INIP: variants seen among roughly 807,000 people sequenced by gnomAD.
INIP encodes the protein SOSS complex subunit C.
Under a neutral mutation model 14.0 loss-of-function variants are expected in INIP, and 9 were observed. That is an observed-to-expected ratio of 0.64 (90% CI 0.39 to 1.12). The LOEUF is 1.12. Ranked by LOEUF, INIP falls within the 50% of genes most tolerant of loss-of-function variation. The pLI is 0.01. For synonymous variants in INIP, 37 were observed against 41.5 expected (o/e 0.89, Z 0.41); for missense variants, 78 against 122.7 (o/e 0.64, Z 1.72).
chr9:112,712,193 A>G (rs1588088775), intron 2 of INIP, among the ~76,000 whole-genome samples: 1 of 152,306 alleles, frequency 6.6e-6, no homozygotes, highest in Non-Finnish European at 1.5e-5. Context: ...CATGCATATA[A>G]AATCCACTCA....
intron 3 of INIP, among the ~76,000 whole-genome samples, chr9:112,692,706 T>C (rs1374578029): frequency 1.3e-5 from 2 of 151,328 alleles, no homozygotes; most frequent in Admixed American, 6.6e-5. Flanking sequence ...CTAGCAGCAA[T>C]TGCAGTAATA....
Position 112,684,298 on chromosome 9 carries a change from G to A in INIP, c.*3240C>T, listed in dbSNP as rs753827325. 6 of 152,078 alleles carry A rather than the reference G, an allele frequency of 3.9e-5. No individual in the cohort carries two copies. The highest frequency in any genetic ancestry group is 7.3e-5 in the Non-Finnish European group (5 of 68,056). 9.4% of individuals were successfully genotyped at this position (152,078 alleles called of 1,614,324 possible). On this transcript the variant is annotated 3_prime_UTR_variant, in exon 5 of 5. Transcript: ENST00000374242. Reference sequence around the variant, plus strand: ...CACCTGTAATCTCAGCACTTTAGGAGGCCAAGGTGGGAGGATCGAGAGGAC... The same window carrying A: ...CACCTGTAATCTCAGCACTTTAGGAAGCCAAGGTGGGAGGATCGAGAGGAC...
At chr9:112,714,636 C>T (rs926761168) in intron 2 of INIP, among the ~76,000 whole-genome samples, 28 of 151,730 alleles carry the variant, frequency 1.8e-4, no homozygotes, top group African/African-American at 6.8e-4. Context: ...AAAGAGCAAG[C>T]GAACATAGAT....
Position 112,686,132 on chromosome 9 carries a change from A to C in INIP, c.*1406T>G, listed in dbSNP as rs1837656512. 6.6e-6 allele frequency: 1 copy of C among 152,180 alleles called. No homozygotes were observed. The highest frequency in any genetic ancestry group is 2.1e-4 in the South Asian group (1 of 4,822). 9.4% of individuals were successfully genotyped at this position (152,180 alleles called of 1,614,324 possible). A position where few individuals can be genotyped will look rare whatever the true frequency, so the allele number is the denominator to read the frequency against. On this transcript the variant is annotated 3_prime_UTR_variant, in exon 5 of 5. Coordinates refer to ENST00000374242, the MANE Select transcript of INIP (RefSeq NM_021218.3). ...TGGGACTCAAGGCCAAGATAAGGTC[A>C]GTTACAAAAAGTTATATAAAATACT... is the stretch of plus-strand genomic sequence containing the variant.
rs184110099 is a variant in INIP at position 112,708,393 on chromosome 9, G to A, written c.25+8068C>T. ...TCAGGAAACTATCACAGTAGAAAGA[G>A]CTAGAGATAATAAAAGTTTTTAGTG... On this transcript the variant is annotated intron_variant, in intron 2 of 4. Transcript: ENST00000374242. 1.2e-4 allele frequency among the ~76,000 whole-genome samples: 18 copies of A among 152,278 alleles called. No homozygotes were observed. The East Asian group carries it at 3.5e-3, about 29-fold the overall frequency.
intron 2 of INIP, among the ~76,000 whole-genome samples, chr9:112,709,900 G>T (rs1298571795): frequency 1.3e-5 from 2 of 152,200 alleles, no homozygotes; most frequent in African/African-American, 4.8e-5. Context: ...CCTAGCATCA[G>T]AAATCTAATT....
chr9:112,694,298 T>G, intron 2 of INIP, 65 bp from the exon 3 acceptor site: 3 of 954,294 alleles, frequency 3.1e-6, no homozygotes, highest in Non-Finnish European at 4.9e-6. Context: ...ATTTTAGACC[T>G]ATTTTTATAA....
At chr9:112,711,882 T>C (rs1022982246) in intron 2 of INIP, among the ~76,000 whole-genome samples, 2 of 152,242 alleles carry the variant, frequency 1.3e-5, no homozygotes, top group African/African-American at 4.8e-5. Context: ...AAGCTTTCAA[T>C]TTCCAGTACT....
intron 2 of INIP, among the ~76,000 whole-genome samples, chr9:112,705,850 G>C (rs1225682460): frequency 1.3e-5 from 2 of 152,138 alleles, no homozygotes; most frequent in East Asian, 3.9e-4. Flanking sequence ...TTAAGAAGGA[G>C]CCATATATTT....
chr9:112,707,649 ATTC>A (rs761843798), intron 2 of INIP, among the ~76,000 whole-genome samples: 5 of 152,208 alleles, frequency 3.3e-5, no homozygotes, highest in South Asian at 2.1e-4. Flanking sequence ...ACTAACTGAA[ATTC>A]TTCTTATTGT....
chr9:112,708,756 G>A (rs1191678701), intron 2 of INIP, among the ~76,000 whole-genome samples: 1 of 151,792 alleles, frequency 6.6e-6, no homozygotes, highest in Non-Finnish European at 1.5e-5. Context: ...GAGTGCGGTG[G>A]TATGATCAGG....
intron 2 of INIP, among the ~76,000 whole-genome samples, chr9:112,708,205 C>T (rs1026723922): frequency 3.3e-5 from 5 of 152,158 alleles, no homozygotes; most frequent in African/African-American, 4.8e-5. Context: ...TAAACTTGAC[C>T]TAGCGTGAAA....
intron 3 of INIP, among the ~76,000 whole-genome samples, chr9:112,690,762 G>T (rs1346804895): frequency 6.6e-6 from 1 of 152,246 alleles, no homozygotes; most frequent in Admixed American, 6.5e-5. Flanking sequence ...TCTACAGGAA[G>T]GCTTCTGAGA....
chr9:112,716,103 C>T (rs756138432), intron 2 of INIP, among the ~76,000 whole-genome samples: 12 of 152,114 alleles, frequency 7.9e-5, no homozygotes, highest in Non-Finnish European at 1.5e-4. Context: ...GACGGAGTCT[C>T]ACTCTGTCGC....
intron 1 of INIP, among the ~76,000 whole-genome samples, chr9:112,716,847 C>T (rs1228912101): frequency 6.6e-6 from 1 of 151,152 alleles, no homozygotes; most frequent in Non-Finnish European, 1.5e-5. Context: ...CCCAGCTACT[C>T]GGGAGGGCGA....
intron 2 of INIP, among the ~76,000 whole-genome samples, chr9:112,702,429 A>G (rs1838327394): frequency 6.6e-6 from 1 of 152,200 alleles, no homozygotes. Flanking sequence ...TAAAGTGTAC[A>G]GTCTGATTAG....
In INIP at chr9:112,704,071, T is replaced by C. The variant is rs78886761; in HGVS notation, c.26-9838A>G. ...TTTATGAAGTATAGCCGTATACTTT[T>C]TTGTTTCAGTACAAGGAGGGTAGGG... is the stretch of plus-strand genomic sequence containing the variant. On this transcript the variant is annotated intron_variant, in intron 2 of 4. Transcript: ENST00000374242. 7.1e-3 allele frequency among the ~76,000 whole-genome samples: 1,075 copies of C among 152,364 alleles called. 19 individuals are homozygous for C. The highest frequency in any genetic ancestry group is 0.025 in the African/African-American group (1,024 of 41,582).
chr9:112,715,117 CACATACATACAT>C (rs1332316152), intron 2 of INIP, among the ~76,000 whole-genome samples: 56 of 139,952 alleles, frequency 4.0e-4, no homozygotes, highest in African/African-American at 1.5e-3. Flanking sequence ...TTAAAATACA[CACATACATACAT>C]ACATACACAC....
intron 2 of INIP, among the ~76,000 whole-genome samples, chr9:112,712,515 A>T (rs1588088992): frequency 6.6e-6 from 1 of 152,272 alleles, no homozygotes; most frequent in East Asian, 1.9e-4. Context: ...CTCCAAGATA[A>T]CCCCAATGAT....
Sources: allele counts gnomAD v4.1 joint callset (sites outside exome capture counted in the v4.1 genomes callset), GRCh38; gene constraint gnomAD v4.1.1; transcripts MANE v1.5; gene names NCBI Gene and HGNC (gene_info 2026-07-23, HGNC 2026-07-21).